Variants in TET3 observed in about 807,000 individuals in gnomAD.
TET3 encodes the protein tet methylcytosine dioxygenase 3.
Under a neutral mutation model 141.4 loss-of-function variants are expected in TET3, and 19 were observed. The ratio of observed to expected loss-of-function variants is 0.13; its 90% CI spans 0.09 to 0.20. The LOEUF (loss-of-function observed/expected upper bound fraction) is 0.20. TET3 is among the 10% of genes least tolerant of loss of function. The probability of loss-of-function intolerance (pLI) is 1.00; values close to 1 mark genes in which losing one functional copy is unlikely to be tolerated. For synonymous variants in TET3, 1,043 were observed against 980.9 expected (o/e 1.06, Z -1.18); for missense variants, 1,874 against 2,356.9 (o/e 0.80, Z 4.24).
rs543988731 is a variant in TET3 at position 74,047,792 on chromosome 2, A to T, written c.1875A>T (p.Arg625=). The T allele has an allele frequency of 8.4e-5, 135 of 1,613,678 alleles. 3 individuals carry two copies. The South Asian group carries it at 1.5e-3, about 17-fold the overall frequency. ...CACAGCCCCTCTTCCCACCTGTCCG[A>T]CAGATTGTCCTGGAAGGGCTTAGGT... ...REAQPLFPPV[R]QIVLEGLRSP... Residue 625 remains arginine (R), a synonymous_variant, in exon 4 of 12, where the codon CGA becomes CGT. Coordinates refer to ENST00000409262, the MANE Select transcript of TET3 (RefSeq NM_001287491.2).
chr2:73,986,187 G>A lies in TET3; in HGVS notation c.-217G>A. On this transcript the variant is annotated 5_prime_UTR_variant, in exon 2 of 12. An upstream open reading frame in the 5' UTR gains an earlier in-frame stop. Coordinates refer to ENST00000409262, the MANE Select transcript of TET3 (RefSeq NM_001287491.2). ...CCCCAGATCCTGGGCCCCAGCAGGT[G>A]GGAGAGTGGCCCCCTACGGAGTCCG... 2.6e-6 allele frequency: 1 copy of A among 387,772 alleles called. No homozygotes were observed. The highest frequency in any genetic ancestry group is 4.5e-6 in the Non-Finnish European group (1 of 222,010). The allele number at this position is 387,772 out of a possible 1,614,324, so 24.0% of individuals were successfully genotyped here. A position where few individuals can be genotyped will look rare whatever the true frequency, so the allele number is the denominator to read the frequency against.
the TET3 span, among the ~76,000 whole-genome samples, chr2:74,113,944 A>G: frequency 0.018 from 2,747 of 151,854 alleles, 100 homozygotes; most frequent in African/African-American, 0.063. Flanking sequence ...ACAGAAATAG[A>G]AAAAAAAATC....
In TET3 at chr2:74,106,181, A is replaced by G. The variant is rs1336674152; in HGVS notation, c.*4005A>G. ...TCTGAGCAGTGTTGTGTTGTGTTGT[A>G]TTGTTCTTCCCTTGGTGGCCAAACA... On this transcript the variant is annotated 3_prime_UTR_variant, in exon 12 of 12. Transcript: ENST00000409262. The G allele has an allele frequency of 2.0e-5, 3 of 150,870 alleles. No individual in the cohort carries two copies. The highest frequency in any genetic ancestry group is 4.9e-5 in the African/African-American group (2 of 40,922). The allele number at this position is 150,870 out of a possible 1,614,324, so 9.3% of individuals were successfully genotyped here. A position where few individuals can be genotyped will look rare whatever the true frequency, so the allele number is the denominator to read the frequency against.
In TET3 at chr2:74,047,143, T is replaced by C. The variant is rs1354051318; in HGVS notation, c.1226T>C (p.Val409Ala). The change falls in exon 4 of 12, where the codon GTT becomes GCT. Residue 409 changes from valine to alanine, a missense_variant. Around this residue, in one of 10 missense-constraint regions of TET3, gnomAD observed 484 missense variants for 462.2 expected, o/e 1.05. Coordinates refer to ENST00000409262, the MANE Select transcript of TET3 (RefSeq NM_001287491.2). The part of the protein sequence containing the change: ...SYLRAPSWPV[V>A]PPEEHSSFAP... The stretch of plus-strand genomic sequence containing the variant: ...CTCCGGGCTCCCTCATGGCCTGTGG[T>C]TCCTCCTGAAGAGCACTCATCTTTT... 6.2e-7 allele frequency: 1 copy of C among 1,613,926 alleles called. No individual in the cohort carries two copies. Among genetic ancestry groups the C allele is most frequent in the Non-Finnish European group, 8.5e-7 (1 of 1,179,856 alleles).
At position 74,047,063 on chromosome 2, in the gene TET3, C is replaced by T; in HGVS notation, c.1146C>T (p.Cys382=). 11 of 1,613,974 alleles carry T rather than the reference C, an allele frequency of 6.8e-6. No individual in the cohort carries two copies. Among genetic ancestry groups the T allele is most frequent in the Non-Finnish European group, 9.3e-6 (11 of 1,179,848 alleles). The change falls in exon 4 of 12, where the codon TGC becomes TGT. Residue 382 remains cysteine, a synonymous_variant. Coordinates refer to ENST00000409262, the MANE Select transcript of TET3 (RefSeq NM_001287491.2). ...CTCATTCCACCCCCCAGGCTTCTTG[C>T]CCCCTTCCTGAGGCCTTGTCACCTC... The part of the protein sequence containing the change: ...QPSHSTPQAS[C]PLPEALSPPA...
intron 3 of TET3, among the ~76,000 whole-genome samples, chr2:74,024,887 C>CT (rs1359316541): frequency 6.6e-6 from 1 of 152,004 alleles, no homozygotes; most frequent in Admixed American, 6.6e-5. Flanking sequence ...TTGCTTTATC[C>CT]TTTTCTTTCT....
At chr2:74,012,106 G>T (rs1440053965) in intron 3 of TET3, among the ~76,000 whole-genome samples, 1 of 152,080 alleles carries the variant, frequency 6.6e-6, no homozygotes, top group African/African-American at 2.4e-5. Context: ...GACTACAGGC[G>T]CATGCCACCA....
chr2:74,100,121 G>A (rs897791029), intron 11 of TET3, among the ~76,000 whole-genome samples: 4 of 152,116 alleles, frequency 2.6e-5, no homozygotes, highest in Admixed American at 6.5e-5. Context: ...GAGAGGAGTC[G>A]GTGGGGGTAC....
intron 2 of TET3, among the ~76,000 whole-genome samples, chr2:73,989,301 G>A (rs992416109): frequency 1.3e-5 from 2 of 152,052 alleles, no homozygotes; most frequent in East Asian, 3.8e-4. Context: ...GGATCCTCTC[G>A]GACATCAGAC....
At chr2:74,000,148 G>A (rs1684775897) in intron 2 of TET3, among the ~76,000 whole-genome samples, 1 of 152,126 alleles carries the variant, frequency 6.6e-6, no homozygotes, top group Non-Finnish European at 1.5e-5. Context: ...GTTCAGTTCT[G>A]GCAGGTCCTG....
At chr2:74,083,828 G>A (rs568132374) in intron 6 of TET3, among the ~76,000 whole-genome samples, 42 of 152,192 alleles carry the variant, frequency 2.8e-4, no homozygotes, top group Non-Finnish European at 4.9e-4. Flanking sequence ...ATGACTGGTT[G>A]GGTGACTTGT....
At position 74,055,515 on chromosome 2, in the gene TET3, A is replaced by T. The variant is rs189521824; in HGVS notation, c.2494+7104A>T. Reference sequence around the variant, plus strand: ...TGCCCATGGCTGTGGCTTTGTAACTATCAGGAGGCATCATGCTAGCAGTCA... The same window carrying T: ...TGCCCATGGCTGTGGCTTTGTAACTTTCAGGAGGCATCATGCTAGCAGTCA... On this transcript the variant is annotated intron_variant, in intron 4 of 11. Coordinates refer to ENST00000409262, the MANE Select transcript of TET3 (RefSeq NM_001287491.2). Among the ~76,000 whole-genome samples the T allele has an allele frequency of 5.2e-4, 79 of 152,288 alleles. 1 individual carries two copies. Among genetic ancestry groups the T allele is most frequent in the Admixed American group, 8.5e-4 (13 of 15,294 alleles).
At chr2:74,006,132 A>G (rs557114624) in intron 3 of TET3, among the ~76,000 whole-genome samples, 41 of 151,916 alleles carry the variant, frequency 2.7e-4, no homozygotes, top group Non-Finnish European at 5.6e-4. Context: ...TCGACTTTCT[A>G]TACACTCTGG....
intron 3 of TET3, among the ~76,000 whole-genome samples, chr2:74,008,840 G>C (rs1248424903): frequency 6.6e-6 from 1 of 152,108 alleles, no homozygotes; most frequent in Non-Finnish European, 1.5e-5. Flanking sequence ...AGGAAGATTA[G>C]GGTCTAAAGA....
At chr2:74,009,212 A>G (rs1433977778) in intron 3 of TET3, among the ~76,000 whole-genome samples, 3 of 152,122 alleles carry the variant, frequency 2.0e-5, no homozygotes, top group African/African-American at 7.2e-5. Context: ...TACCTCGGGG[A>G]GGTGCCATCT....
chr2:74,093,786 C>T lies in TET3; in HGVS notation c.3267+120C>T. The T allele has an allele frequency of 1.5e-6, 2 of 1,303,114 alleles. No individual in the cohort carries two copies. Among genetic ancestry groups the T allele is most frequent in the East Asian group, 5.4e-5 (2 of 37,206 alleles). 80.7% of individuals were successfully genotyped at this position (1,303,114 alleles called of 1,614,324 possible). A position where few individuals can be genotyped will look rare whatever the true frequency, so the allele number is the denominator to read the frequency against. ...GGACCTGGAGACAGGATCCTCAGAA[C>T]TCTGGAAGGTTCCCTGCAAGACGGC... is the stretch of plus-strand genomic sequence containing the variant. On this transcript the variant is annotated intron_variant, in intron 10 of 11. Transcript: ENST00000409262. The surrounding 1 kb of genome is among the most constrained non-coding windows in gnomAD (Gnocchi z 4.2).
intron 6 of TET3, among the ~76,000 whole-genome samples, 158 bp downstream of exon 6, chr2:74,080,749 G>A (rs1486151466): frequency 6.6e-6 from 1 of 151,934 alleles, no homozygotes; most frequent in Non-Finnish European, 1.5e-5. Flanking sequence ...TGACTGTCCA[G>A]GGGAGCCTTA....
At chr2:74,122,511 A>ATATATAT in the TET3 span, 4 of 47,558 alleles carry the variant, frequency 8.4e-5, no homozygotes, top group African/African-American at 2.4e-4. Flanking sequence ...ATATATATAT[A>ATATATAT]TTTTTTTTTT....
chr2:74,064,363 T>C (rs559440774), intron 4 of TET3, among the ~76,000 whole-genome samples: 6 of 152,328 alleles, frequency 3.9e-5, no homozygotes, highest in African/African-American at 1.4e-4. Context: ...AACAAAGTTA[T>C]TGTGTGTAGA....
Sources: gnomAD v4.1 joint callset for allele counts (sites outside exome capture counted in the v4.1 genomes callset) on GRCh38, gnomAD v4.1.1 for gene constraint, gnomAD v4.1.1 regional missense constraint, Gnocchi (gnomAD v3.1) non-coding constraint, MANE v1.5 for transcripts, NCBI Gene and HGNC (gene_info 2026-07-23, HGNC 2026-07-21) for gene names.